Variants in WDR49 observed in about 807,000 individuals in gnomAD.
The protein encoded by WDR49 is WD repeat domain 49.
WDR49 carries 107 observed loss-of-function variants against 119.5 expected under a neutral mutation model. The ratio of observed to expected loss-of-function variants is 0.90; its 90% confidence interval spans 0.77 to 1.05. The LOEUF (loss-of-function observed/expected upper bound fraction) is 1.05, where lower values mean the gene tolerates loss of function less well. Among genes scored for constraint, WDR49 ranks in the 50% least tolerant of loss-of-function variants. The pLI is 0.00. For synonymous variants in WDR49, 425 were observed against 418.8 expected (o/e 1.01, Z -0.18); for missense variants, 1,240 against 1,220.5 (o/e 1.02, Z -0.24).
intron 16 of WDR49, among the ~76,000 whole-genome samples, chr3:167,519,372 T>A (rs1752340667): frequency 6.6e-6 from 1 of 152,026 alleles, no homozygotes; most frequent in Non-Finnish European, 1.5e-5. Flanking sequence ...CAATAGCCAA[T>A]AAATGGAATC....
chr3:167,617,666 G>A (rs142368139), intron 5 of WDR49, among the ~76,000 whole-genome samples: 1 of 152,168 alleles, frequency 6.6e-6, no homozygotes, highest in Non-Finnish European at 1.5e-5. Flanking sequence ...CTATGCATTG[G>A]GCCAGGTGGG....
intron 10 of WDR49, among the ~76,000 whole-genome samples, chr3:167,537,362 G>A (rs557001258): frequency 1.3e-5 from 2 of 152,078 alleles, no homozygotes; most frequent in African/African-American, 4.8e-5. Context: ...ATTAAAAGAG[G>A]GGGCAGGCCT....
At chr3:167,629,714 A>G (rs944895122) in intron 2 of WDR49, among the ~76,000 whole-genome samples, 1 of 152,128 alleles carries the variant, frequency 6.6e-6, no homozygotes, top group African/African-American at 2.4e-5. Context: ...CAAAATGTCA[A>G]AATTAACAGG....
At chr3:167,569,098 C>A (rs1161712149) in intron 8 of WDR49, among the ~76,000 whole-genome samples, 2 of 152,088 alleles carry the variant, frequency 1.3e-5, no homozygotes, top group Non-Finnish European at 2.9e-5. Context: ...CCCACCACCA[C>A]ACCTGGCTAA....
At chr3:167,511,174 C>T (rs1751957481) in intron 16 of WDR49, among the ~76,000 whole-genome samples, 1 of 152,092 alleles carries the variant, frequency 6.6e-6, no homozygotes, top group Non-Finnish European at 1.5e-5. Flanking sequence ...GAAGGATGTA[C>T]ATGATAATCA....
At chr3:167,486,109 A>C (rs1259233512) in intron 18 of WDR49, among the ~76,000 whole-genome samples, 2 of 152,276 alleles carry the variant, frequency 1.3e-5, no homozygotes, top group Non-Finnish European at 2.9e-5. Flanking sequence ...ATACTTAAAG[A>C]AGAAAAATTC....
intron 18 of WDR49, among the ~76,000 whole-genome samples, chr3:167,492,145 GTTTTTT>G (rs78618438): frequency 7.0e-6 from 1 of 143,564 alleles, no homozygotes; most frequent in East Asian, 2.0e-4. Context: ...GGTAATTGAA[GTTTTTT>G]TTTTTTTTAA....
chr3:167,522,523 T>C lies in WDR49; in HGVS notation c.2605-39A>G, dbSNP rs755219777. 15 of 1,568,906 alleles carry C rather than the reference T, an allele frequency of 9.6e-6. No individual in the cohort carries two copies. In the East Asian group the frequency reaches 3.2e-4, roughly 33 times the overall value. Reference sequence around the variant, plus strand: ...AAACATCTGTTTTATTTTTATGAAATTTATTTTCTTCAAACATTTACGTGT... The same window carrying C: ...AAACATCTGTTTTATTTTTATGAAACTTATTTTCTTCAAACATTTACGTGT... On this transcript the variant is annotated intron_variant, in intron 15 of 18. Transcript: ENST00000682715.
At chr3:167,616,142 G>A (rs983690876) in intron 5 of WDR49, among the ~76,000 whole-genome samples, 1 of 152,034 alleles carries the variant, frequency 6.6e-6, no homozygotes, top group Non-Finnish European at 1.5e-5. Context: ...AATGTTTTTT[G>A]GGTGAATATC....
At chr3:167,635,488 T>A (rs1717572697) in intron 2 of WDR49, among the ~76,000 whole-genome samples, 1 of 151,840 alleles carries the variant, frequency 6.6e-6, no homozygotes, top group East Asian at 1.9e-4. Flanking sequence ...CTTAGAAATG[T>A]TGTTTATATT....
chr3:167,617,303 A>T (rs1411871602), intron 5 of WDR49, among the ~76,000 whole-genome samples: 1 of 152,172 alleles, frequency 6.6e-6, no homozygotes, highest in Non-Finnish European at 1.5e-5. Flanking sequence ...CAGATGAGTG[A>T]ATTACTTGAG....
At chr3:167,587,788 T>C (rs1399165781) in intron 7 of WDR49, among the ~76,000 whole-genome samples, 2 of 152,118 alleles carry the variant, frequency 1.3e-5, no homozygotes, top group African/African-American at 4.8e-5. Flanking sequence ...GAGCCCTCTT[T>C]TTCATTTTTT....
chr3:167,552,342 G>A (rs925772465), intron 10 of WDR49, among the ~76,000 whole-genome samples: 17 of 152,026 alleles, frequency 1.1e-4, no homozygotes, highest in Non-Finnish European at 2.1e-4. Context: ...GCATTAGGAG[G>A]ACAAAGCACA....
intron 5 of WDR49, among the ~76,000 whole-genome samples, chr3:167,605,914 A>G (rs1716041151): frequency 6.6e-6 from 1 of 152,204 alleles, no homozygotes; most frequent in Admixed American, 6.5e-5. Flanking sequence ...ATGCAATATT[A>G]TAAATCGAAG....
At chr3:167,571,106 C>T (rs1411292115) in intron 8 of WDR49, among the ~76,000 whole-genome samples, 18 of 151,858 alleles carry the variant, frequency 1.2e-4, no homozygotes, top group Admixed American at 1.2e-3. Context: ...CACTCTATGG[C>T]TGTGACCTGG....
At chr3:167,545,497 A>T (rs1236109508) in intron 10 of WDR49, among the ~76,000 whole-genome samples, 1 of 130,700 alleles carries the variant, frequency 7.7e-6, no homozygotes, top group Non-Finnish European at 1.7e-5. Flanking sequence ...TATATATATT[A>T]TATATTATAT....
chr3:167,549,266 A>G (rs1323069324), intron 10 of WDR49, among the ~76,000 whole-genome samples: 5 of 152,172 alleles, frequency 3.3e-5, no homozygotes, highest in African/African-American at 1.2e-4. Context: ...AGGAATCGCC[A>G]CACTCTCTTC....
Position 167,517,170 on chromosome 3 carries a change from T to C in WDR49, c.2774+5145A>G, listed in dbSNP as rs540033233. ...TCTTGACAGAATTAGAAAAAAACTA[T>C]TTTAAAATTCATATGGAACCAAAAA... On this transcript the variant is annotated intron_variant, in intron 16 of 18. Coordinates refer to ENST00000682715, the MANE Select transcript of WDR49 (RefSeq NM_001366157.1). 1.6e-4 allele frequency among the ~76,000 whole-genome samples: 24 copies of C among 152,156 alleles called. No homozygotes were observed. The South Asian group carries it at 5.0e-3, about 32-fold the overall frequency.
At chr3:167,549,404 A>G (rs1194027438) in intron 10 of WDR49, among the ~76,000 whole-genome samples, 1 of 152,186 alleles carries the variant, frequency 6.6e-6, no homozygotes, top group African/African-American at 2.4e-5. Flanking sequence ...GTGAGATGGT[A>G]TCTCATTGTG....
Sources: gnomAD v4.1 joint callset for allele counts (sites outside exome capture counted in the v4.1 genomes callset) on GRCh38, gnomAD v4.1.1 for gene constraint, MANE v1.5 for transcripts, NCBI Gene and HGNC (gene_info 2026-07-23, HGNC 2026-07-21) for gene names.